The following KCNQ5 variants were observed in gnomAD, a reference collection of about 807,000 sequenced individuals.
KCNQ5 encodes potassium voltage-gated channel subfamily Q member 5.
A neutral mutation model predicts 98.2 loss-of-function variants in KCNQ5; 30 were observed. The ratio of observed to expected loss-of-function variants is 0.31; its 90% CI spans 0.23 to 0.41. KCNQ5 has a LOEUF of 0.41. Among genes scored for constraint, KCNQ5 ranks in the 10% least tolerant of loss-of-function variants. KCNQ5 has a pLI of 1.00. For synonymous variants in KCNQ5, 458 were observed against 449.4 expected (o/e 1.02, Z -0.24); for missense variants, 835 against 1,182.5 (o/e 0.71, Z 4.31).
At chr6:72,839,401 T>C (rs1035002602) in intron 1 of KCNQ5, among the ~76,000 whole-genome samples, 1 of 152,258 alleles carries the variant, frequency 6.6e-6, no homozygotes, top group Admixed American at 6.5e-5. Flanking sequence ...CATCTTTGGA[T>C]TGGCATCTGT....
At chr6:72,942,119 A>G (rs1446169332) in intron 1 of KCNQ5, among the ~76,000 whole-genome samples, 1 of 152,208 alleles carries the variant, frequency 6.6e-6, no homozygotes, top group Non-Finnish European at 1.5e-5. Flanking sequence ...GAGGCAGGTA[A>G]CAGAGGTGCT....
chr6:73,030,305 G>T (rs1181378225), intron 2 of KCNQ5, among the ~76,000 whole-genome samples: 1 of 152,144 alleles, frequency 6.6e-6, no homozygotes, highest in Non-Finnish European at 1.5e-5. Flanking sequence ...TGTTAACAGG[G>T]CCTCCTGTCA....
At chr6:72,727,979 G>C (rs551646914) in intron 1 of KCNQ5, among the ~76,000 whole-genome samples, 106 of 152,288 alleles carry the variant, frequency 7.0e-4, no homozygotes, top group African/African-American at 2.3e-3. Context: ...AAAAGGCAGA[G>C]TAAATGCACC....
rs571372913 is a variant in KCNQ5 at position 72,787,061 on chromosome 6, A to G, written c.398+164474A>G. 2.6e-5 allele frequency among the ~76,000 whole-genome samples: 4 copies of G among 151,406 alleles called. No homozygotes were observed. The South Asian group carries it at 8.4e-4, about 32-fold the overall frequency. On this transcript the variant is annotated intron_variant, in intron 1 of 13. Coordinates refer to ENST00000370398, the MANE Select transcript of KCNQ5 (RefSeq NM_019842.4). ...AGAATCCTGGTTCATTTGTGATGAA[A>G]CATGTCTGTGCATTTGTATTATCTC...
intron 3 of KCNQ5, among the ~76,000 whole-genome samples, chr6:73,075,073 G>T (rs1773471455): frequency 6.6e-6 from 1 of 152,016 alleles, no homozygotes; most frequent in South Asian, 2.1e-4. Flanking sequence ...TTTTTATAAA[G>T]TTTTTTTAAT....
At chr6:72,885,527 GAGA>G (rs1169878966) in intron 1 of KCNQ5, among the ~76,000 whole-genome samples, 2 of 152,152 alleles carry the variant, frequency 1.3e-5, no homozygotes, top group Non-Finnish European at 2.9e-5. Flanking sequence ...GAAGCACTAT[GAGA>G]AGGACTTACC....
chr6:72,697,878 T>C (rs1436782841), intron 1 of KCNQ5, among the ~76,000 whole-genome samples: 2 of 152,176 alleles, frequency 1.3e-5, no homozygotes, highest in African/African-American at 2.4e-5. Flanking sequence ...CTTAAACATA[T>C]ACAATTTTTA....
chr6:72,744,709 G>T (rs1168332225), intron 1 of KCNQ5, among the ~76,000 whole-genome samples: 1 of 152,064 alleles, frequency 6.6e-6, no homozygotes, highest in East Asian at 1.9e-4. Context: ...TGCTTGGGAG[G>T]CTGAGGCAGG....
At chr6:72,883,102 A>G (rs919877347) in intron 1 of KCNQ5, among the ~76,000 whole-genome samples, 4 of 152,186 alleles carry the variant, frequency 2.6e-5, no homozygotes, top group Non-Finnish European at 5.9e-5. Flanking sequence ...CCTTATGTTC[A>G]CCAATCTTCT....
chr6:73,035,109 C>T (rs1242493281), intron 2 of KCNQ5, among the ~76,000 whole-genome samples: 6 of 152,002 alleles, frequency 3.9e-5, no homozygotes, highest in East Asian at 1.9e-4. Flanking sequence ...CTTCCGAAAG[C>T]GCTGGGATTA....
Position 73,124,586 on chromosome 6 carries a change from G to A in KCNQ5, c.1247+74G>A, listed in dbSNP as rs183652944. The stretch of plus-strand genomic sequence containing the variant: ...ACCAGGTGTTTTAAATGTGTCTCAT[G>A]TGAGTAAAATCGATCAACAAATACA... On this transcript the variant is annotated intron_variant, in intron 9 of 13. Transcript: ENST00000370398. 2.2e-4 allele frequency: 292 copies of A among 1,321,026 alleles called. No homozygotes were observed. In the African/African-American group the frequency reaches 3.3e-3, roughly 15 times the overall value. The allele number at this position is 1,321,026 out of a possible 1,614,324, so 81.8% of individuals were successfully genotyped here.
intron 1 of KCNQ5, among the ~76,000 whole-genome samples, chr6:72,633,887 A>G (rs1342940517): frequency 6.6e-6 from 1 of 152,224 alleles, no homozygotes; most frequent in Non-Finnish European, 1.5e-5. Context: ...AATTATCTCA[A>G]GATGGATTAA....
chr6:72,854,660 A>G (rs1342445205), intron 1 of KCNQ5, among the ~76,000 whole-genome samples: 6 of 150,822 alleles, frequency 4.0e-5, no homozygotes, highest in Admixed American at 3.3e-4. Flanking sequence ...ATGTCAAAAC[A>G]TGAAAAAATC....
chr6:72,839,171 C>CA (rs11398479), intron 1 of KCNQ5, among the ~76,000 whole-genome samples: 78,200 of 151,704 alleles, frequency 0.52, 20,704 homozygotes, highest in African/African-American at 0.62. Context: ...TGACTAACAA[C>CA]CATACAGTTC....
intron 1 of KCNQ5, among the ~76,000 whole-genome samples, chr6:72,636,559 G>A (rs2098924248): frequency 6.6e-6 from 1 of 152,136 alleles, no homozygotes; most frequent in South Asian, 2.1e-4. Flanking sequence ...AATGAATCTA[G>A]GAGGATTGAA....
chr6:72,755,724 T>C (rs1446441475), intron 1 of KCNQ5, among the ~76,000 whole-genome samples: 3 of 152,238 alleles, frequency 2.0e-5, no homozygotes, highest in Non-Finnish European at 4.4e-5. Context: ...AGACGGTCAA[T>C]TATCTTTAAA....
intron 10 of KCNQ5, among the ~76,000 whole-genome samples, chr6:73,151,808 G>A (rs79442723): frequency 0.017 from 2,549 of 152,166 alleles, 138 homozygotes; most frequent in Admixed American, 0.11. Flanking sequence ...TCAGGATCTT[G>A]TGTTTTTGTC....
chr6:73,055,165 CG>C (rs1404732223), intron 3 of KCNQ5: 2 of 818,724 alleles, frequency 2.4e-6, no homozygotes, highest in Admixed American at 1.7e-5. Flanking sequence ...ACCACTTCAG[CG>C]GCTGGTACGA....
chr6:72,977,961 A>G (rs1268294262), intron 1 of KCNQ5, among the ~76,000 whole-genome samples: 1 of 152,214 alleles, frequency 6.6e-6, no homozygotes, highest in Non-Finnish European at 1.5e-5. Flanking sequence ...TGAATTGATT[A>G]GTACCTGTAC....
Sources: allele counts gnomAD v4.1 joint callset (sites outside exome capture counted in the v4.1 genomes callset), GRCh38; gene constraint gnomAD v4.1.1; transcripts MANE v1.5; gene names NCBI Gene and HGNC (gene_info 2026-07-23, HGNC 2026-07-21).